The following DTNBP1 variants were observed in gnomAD, a reference collection of about 807,000 sequenced individuals.
DTNBP1 encodes the protein dystrobrevin binding protein 1, also known as dysbindin.
Under a neutral mutation model 42.8 loss-of-function variants are expected in DTNBP1, and 35 were observed. That is an observed-to-expected ratio of 0.82 (90% confidence interval 0.63 to 1.09). The LOEUF is 1.09. Among genes scored for constraint, DTNBP1 ranks in the 50% least tolerant of loss-of-function variants. The pLI, the probability that DTNBP1 is intolerant of heterozygous loss-of-function variation, is 0.00. For synonymous variants in DTNBP1, 171 were observed against 162.2 expected, an observed-to-expected ratio of 1.05 and a Z score of -0.41; for missense variants, 457 against 424.2, an observed-to-expected ratio of 1.08 and a Z score of -0.68.
At chr6:15,594,395 G>A (rs959155841) in intron 6 of DTNBP1, among the ~76,000 whole-genome samples, 4 of 151,280 alleles carry the variant, frequency 2.6e-5, no homozygotes, top group African/African-American at 9.7e-5. Flanking sequence ...AACCCAGGAA[G>A]CACAGTTAGC....
rs1025589233 is a variant in DTNBP1, at chr6:15,523,546, T to C, written c.812-327A>G. ...TCTTTGAGGAGCAGTCCTTGTAACC[T>C]TGATAATCTAGATTTCTTTTTTTTT... On this transcript the variant is annotated intron_variant, in intron 9 of 9. Transcript: ENST00000344537. The C allele has an allele frequency of 4.7e-6, 6 of 1,267,804 alleles. No individual in the cohort carries two copies. In the African/African-American group the frequency reaches 7.9e-5, roughly 17 times the overall value. The allele number at this position is 1,267,804 out of a possible 1,614,324, so 78.5% of individuals were successfully genotyped here.
At chr6:15,546,926 CTTTTT>C (rs10711026) in intron 7 of DTNBP1, among the ~76,000 whole-genome samples, 1 of 116,172 alleles carries the variant, frequency 8.6e-6, no homozygotes, top group African/African-American at 3.2e-5. Context: ...TTCTTTCTTT[CTTTTT>C]TTTTTTTTTT....
chr6:15,589,845 G>T (rs1174109260), intron 7 of DTNBP1, among the ~76,000 whole-genome samples: 1 of 151,982 alleles, frequency 6.6e-6, no homozygotes, highest in South Asian at 2.1e-4. Context: ...ACTTTGACCC[G>T]GATCCCATCT....
intron 5 of DTNBP1, among the ~76,000 whole-genome samples, chr6:15,616,802 C>T (rs147420985): frequency 1.8e-4 from 27 of 152,178 alleles, no homozygotes; most frequent in Non-Finnish European, 3.4e-4. Flanking sequence ...GAAATAAAGA[C>T]ATCCAAATAG....
At chr6:15,559,626 A>T (rs1293691417) in intron 7 of DTNBP1, among the ~76,000 whole-genome samples, 1 of 152,182 alleles carries the variant, frequency 6.6e-6, no homozygotes, top group African/African-American at 2.4e-5. Context: ...CAGCATAACC[A>T]TTATATATGA....
chr6:15,585,067 ATATATATATATATAT>A (rs1776012819), intron 7 of DTNBP1, among the ~76,000 whole-genome samples: 1 of 1,096 alleles, frequency 9.1e-4, no homozygotes, highest in Non-Finnish European at 1.5e-3. Flanking sequence ...TGAAAAGAAT[ATATATATATATATAT>A]ATATATATAT....
Position 15,646,081 on chromosome 6 carries a change from A to T in DTNBP1, c.161+5232T>A, listed in dbSNP as rs116362687. 5.0e-3 allele frequency among the ~76,000 whole-genome samples: 756 copies of T among 152,162 alleles called. 7 individuals carry two copies. Among genetic ancestry groups the T allele is most frequent in the African/African-American group, 0.017 (705 of 41,550 alleles). ...CAAAAGACTCATAGACCTGATAAACAACTTCAGTAACTTTTCAACATACAA... is the reference window on the plus strand; with the variant it reads ...CAAAAGACTCATAGACCTGATAAACTACTTCAGTAACTTTTCAACATACAA... On this transcript the variant is annotated intron_variant, in intron 3 of 9. Transcript: ENST00000344537.
At chr6:15,537,022 A>G (rs1162351888) in intron 7 of DTNBP1, among the ~76,000 whole-genome samples, 5 of 152,242 alleles carry the variant, frequency 3.3e-5, no homozygotes, top group Admixed American at 6.5e-5. Flanking sequence ...CATTGATCCA[A>G]TGCCTGTACA....
chr6:15,625,267 A>G (rs2113732410), intron 5 of DTNBP1, among the ~76,000 whole-genome samples: 1 of 152,336 alleles, frequency 6.6e-6, no homozygotes, highest in South Asian at 2.1e-4. Flanking sequence ...CCATCCAGAC[A>G]TACCTTCTAA....
intron 7 of DTNBP1, among the ~76,000 whole-genome samples, chr6:15,592,441 A>G (rs1382894265): frequency 6.6e-6 from 1 of 152,162 alleles, no homozygotes; most frequent in East Asian, 1.9e-4. Context: ...TCTGTTTTTC[A>G]CTAGTGTTTC....
chr6:15,658,212 T>A (rs1217037585), intron 1 of DTNBP1, among the ~76,000 whole-genome samples: 2 of 152,184 alleles, frequency 1.3e-5, no homozygotes, highest in African/African-American at 4.8e-5. Context: ...ACACTTTGAG[T>A]GCCTAGTCTA....
intron 7 of DTNBP1, among the ~76,000 whole-genome samples, chr6:15,553,077 A>C (rs1045815922): frequency 6.6e-6 from 1 of 152,100 alleles, no homozygotes; most frequent in African/African-American, 2.4e-5. Flanking sequence ...AAATCCAAAA[A>C]CTCTTGCCAA....
At position 15,522,977 on chromosome 6, in the gene DTNBP1, AAG is replaced by A. The variant is rs1249876859; in HGVS notation, c.1052_1053del (p.Ser351LeufsTer43). The part of the protein sequence containing the change: ...ATPDGGEDSD[S>X] ...CCAGACAACGCCCATGTCCCAATTT[AAG>A]AGTCGCTGTCCTCACCACCATCCGG... On this transcript the variant is annotated frameshift_variant, in exon 10 of 10. Transcript: ENST00000344537. LOFTEE classifies it high-confidence loss of function. The A allele has an allele frequency of 6.2e-7, 1 of 1,614,062 alleles. No individual in the cohort carries two copies. The highest frequency in any genetic ancestry group is 8.5e-7 in the Non-Finnish European group (1 of 1,180,036).
At chr6:15,563,195 T>C (rs1467717348) in intron 7 of DTNBP1, among the ~76,000 whole-genome samples, 1 of 152,174 alleles carries the variant, frequency 6.6e-6, no homozygotes, top group African/African-American at 2.4e-5. Context: ...TACCACTTCC[T>C]CACAGAAGAA....
chr6:15,566,287 C>T (rs1476690899), intron 7 of DTNBP1, among the ~76,000 whole-genome samples: 1 of 147,720 alleles, frequency 6.8e-6, no homozygotes, highest in Non-Finnish European at 1.5e-5. Flanking sequence ...TGCACTCCAG[C>T]CTGGGCGACA....
rs776696141 is a variant in DTNBP1 at position 15,637,782 on chromosome 6, G to A, written c.184C>T (p.Leu62Phe). The change falls in exon 4 of 10, where the codon CTT becomes TTT. Residue 62 changes from leucine (L) to phenylalanine (F), a missense_variant. By Grantham distance (22) the Leu-to-Phe change is conservative. Coordinates refer to ENST00000344537, the MANE Select transcript of DTNBP1 (RefSeq NM_032122.5). ...GCACAGTCTTTGGCTCTTCTGTGAA[G>A]TGCAGCCCATGTATCCTCATACCTA... The part of the protein sequence containing the change: ...LSRYEDTWAA[L>F]HRRAKDCASA... 9 of 1,613,512 alleles carry A rather than the reference G, an allele frequency of 5.6e-6. No individual in the cohort carries two copies. The African/African-American group carries it at 1.2e-4, about 22-fold the overall frequency.
intron 7 of DTNBP1, among the ~76,000 whole-genome samples, chr6:15,549,576 C>T (rs1057301869): frequency 3.3e-5 from 5 of 151,384 alleles, no homozygotes; most frequent in South Asian, 2.1e-4. Context: ...GTGCAGTGGA[C>T]GTGGTGTCCT....
At chr6:15,602,663 C>T (rs543197581) in intron 6 of DTNBP1, among the ~76,000 whole-genome samples, 1 of 152,246 alleles carries the variant, frequency 6.6e-6, no homozygotes, top group East Asian at 1.9e-4. Context: ...TTATAATGTA[C>T]AAACTATAAT....
At chr6:15,570,058 CAT>C (rs1351134948) in intron 7 of DTNBP1, among the ~76,000 whole-genome samples, 7 of 151,956 alleles carry the variant, frequency 4.6e-5, no homozygotes, top group East Asian at 1.9e-4. Context: ...TGTCTGTACA[CAT>C]GTTAAAATGT....
Sources: allele counts gnomAD v4.1 joint callset (sites outside exome capture counted in the v4.1 genomes callset), GRCh38; gene constraint gnomAD v4.1.1; transcripts MANE v1.5; gene names NCBI Gene and HGNC (gene_info 2026-07-23, HGNC 2026-07-21).